The following CHN2 variants were observed in gnomAD, a reference collection of about 807,000 sequenced individuals.
The protein encoded by CHN2 is beta-chimaerin.
A neutral mutation model predicts 56.3 loss-of-function variants in CHN2; 35 were observed. The observed-to-expected ratio is 0.62, with a 90% CI of 0.47 to 0.82. The LOEUF (loss-of-function observed/expected upper bound fraction) is 0.82, where lower values mean the gene tolerates loss of function less well. CHN2 is among the 40% of genes least tolerant of loss of function. The pLI is 0.00. For missense variants in CHN2, 491 were observed against 580.5 expected (o/e 0.85, Z 1.58); for synonymous variants, 210 against 212.8 (o/e 0.99, Z 0.12).
intron 7 of CHN2, 30 bp downstream of exon 7, chr7:29,480,386 T>C: frequency 6.2e-7 from 1 of 1,602,050 alleles, no homozygotes; most frequent in East Asian, 2.2e-5. Flanking sequence ...CCTTCTTCTG[T>C]TACAAAAGGG....
At chr7:29,389,950 A>G (rs775411711) in intron 3 of CHN2, among the ~76,000 whole-genome samples, 10 of 150,598 alleles carry the variant, frequency 6.6e-5, no homozygotes, top group Non-Finnish European at 1.5e-4. Flanking sequence ...GCTACTCAGG[A>G]GGCTGAGACA....
chr7:29,489,958 T>A (rs747175984), intron 7 of CHN2, among the ~76,000 whole-genome samples: 1 of 152,240 alleles, frequency 6.6e-6, no homozygotes, highest in African/African-American at 2.4e-5. Flanking sequence ...TTATATTTTG[T>A]CAATATGCAT....
intron 6 of CHN2, among the ~76,000 whole-genome samples, chr7:29,406,299 A>G (rs1485080876): frequency 6.6e-6 from 1 of 152,162 alleles, no homozygotes; most frequent in African/African-American, 2.4e-5. Flanking sequence ...AGGCTGGTAT[A>G]TGCACGTTGT....
At chr7:29,502,108 A>G (rs1790034001) in intron 9 of CHN2, among the ~76,000 whole-genome samples, 1 of 152,168 alleles carries the variant, frequency 6.6e-6, no homozygotes, top group South Asian at 2.1e-4. Flanking sequence ...ACCCACACCC[A>G]TACCTCCACC....
chr7:29,423,186 C>CCT (rs1804518361), intron 6 of CHN2, among the ~76,000 whole-genome samples: 2 of 152,144 alleles, frequency 1.3e-5, no homozygotes, highest in African/African-American at 4.8e-5. Context: ...ATGACGGGGA[C>CCT]GTTTATTTCA....
At chr7:29,382,760 A>C (rs1269269741) in intron 3 of CHN2, among the ~76,000 whole-genome samples, 1 of 152,220 alleles carries the variant, frequency 6.6e-6, no homozygotes, top group Non-Finnish European at 1.5e-5. Context: ...GCAGCATTTC[A>C]GCTCTTACTT....
chr7:29,241,997 A>G (rs1164966584), intron 1 of CHN2, among the ~76,000 whole-genome samples: 1 of 152,166 alleles, frequency 6.6e-6, no homozygotes, highest in Non-Finnish European at 1.5e-5. Flanking sequence ...ACATAATAGT[A>G]ATATCAGACA....
intron 6 of CHN2, among the ~76,000 whole-genome samples, chr7:29,439,694 T>G (rs1783490554): frequency 6.6e-6 from 1 of 152,210 alleles, no homozygotes; most frequent in African/African-American, 2.4e-5. Flanking sequence ...TATTCACAGC[T>G]TTGAGCCTAT....
chr7:29,425,250 G>A (rs187690638), intron 6 of CHN2, among the ~76,000 whole-genome samples: 78 of 152,304 alleles, frequency 5.1e-4, no homozygotes, highest in African/African-American at 1.8e-3. Context: ...CCAGATGAGT[G>A]CATTGTCTGC....
At chr7:29,245,828 A>G (rs995582815) in intron 1 of CHN2, among the ~76,000 whole-genome samples, 1 of 152,116 alleles carries the variant, frequency 6.6e-6, no homozygotes, top group Non-Finnish European at 1.5e-5. Flanking sequence ...GCCACTTGGA[A>G]CACTTCTCTT....
chr7:29,195,434 A>G (rs959263700), intron 1 of CHN2: 3 of 171,896 alleles, frequency 1.7e-5, no homozygotes, highest in African/African-American at 7.1e-5. Flanking sequence ...CTCCTCGCAG[A>G]CTTGATTTTC....
intron 6 of CHN2, among the ~76,000 whole-genome samples, chr7:29,422,155 C>T (rs891253114): frequency 1.3e-5 from 2 of 151,986 alleles, no homozygotes; most frequent in Non-Finnish European, 2.9e-5. Flanking sequence ...TTTTTAATGA[C>T]TTTCTCTTCC....
chr7:29,152,741 C>T (rs6948891), intron 2 of CHN2, among the ~76,000 whole-genome samples: 11,666 of 152,262 alleles, frequency 0.077, 1,022 homozygotes, highest in African/African-American at 0.18. Flanking sequence ...AGAGTTAACG[C>T]CATTTTGTCT....
At chr7:29,389,938 C>T (rs572630429) in intron 3 of CHN2, among the ~76,000 whole-genome samples, 131 of 151,404 alleles carry the variant, frequency 8.7e-4, no homozygotes, top group African/African-American at 3.0e-3. Context: ...CCTGTAATCC[C>T]AGCTACTCAG....
chr7:29,418,851 C>T (rs1429179745), intron 6 of CHN2, among the ~76,000 whole-genome samples: 1 of 152,152 alleles, frequency 6.6e-6, no homozygotes, highest in East Asian at 1.9e-4. Context: ...ATTTGACAAC[C>T]ACAGGATGTG....
chr7:29,404,594 C>T (rs1179279874), intron 6 of CHN2, among the ~76,000 whole-genome samples: 9 of 152,068 alleles, frequency 5.9e-5, no homozygotes, highest in Admixed American at 6.5e-5. Context: ...TGAGAACCCT[C>T]ATATGGGCTG....
intron 6 of CHN2, among the ~76,000 whole-genome samples, chr7:29,468,250 C>T (rs1785733104): frequency 6.8e-6 from 1 of 146,990 alleles, no homozygotes; most frequent in African/African-American, 2.5e-5. Context: ...CATGATGTGA[C>T]TTTCTGGGGG....
chr7:29,328,511 A>C (rs2128901104), intron 1 of CHN2, among the ~76,000 whole-genome samples: 1 of 152,286 alleles, frequency 6.6e-6, no homozygotes, highest in East Asian at 1.9e-4. Flanking sequence ...TTATACCAAC[A>C]GTATGGTGTG....
intron 1 of CHN2, among the ~76,000 whole-genome samples, chr7:29,196,247 A>G (rs1270212099): frequency 6.6e-6 from 1 of 152,218 alleles, no homozygotes; most frequent in African/African-American, 2.4e-5. Flanking sequence ...GATCACTTGA[A>G]AGCCATCTGT....
Sources: allele counts gnomAD v4.1 joint callset (sites outside exome capture counted in the v4.1 genomes callset), GRCh38; gene constraint gnomAD v4.1.1; transcripts MANE v1.5; gene names NCBI Gene and HGNC (gene_info 2026-07-23, HGNC 2026-07-21).